The following PRKN variants were observed in gnomAD, a reference collection of about 807,000 sequenced individuals.
PRKN encodes the protein parkin RBR E3 ubiquitin protein ligase, also known as E3 ubiquitin-protein ligase parkin.
Under a neutral mutation model 59.5 loss-of-function variants are expected in PRKN, and 56 were observed. The ratio of observed to expected loss-of-function variants is 0.94; its 90% confidence interval spans 0.76 to 1.18. The LOEUF is 1.18. Among genes scored for constraint, PRKN ranks in the 50% most tolerant of loss-of-function variants. The pLI, the probability that PRKN is intolerant of heterozygous loss-of-function variation, is 0.00. For missense variants in PRKN, 657 were observed against 596.4 expected, an observed-to-expected ratio of 1.10 and a Z score of -1.06; for synonymous variants, 250 against 222.1, an observed-to-expected ratio of 1.13 and a Z score of -1.12.
At chr6:162,277,027 G>T (rs1203018531) in intron 2 of PRKN, among the ~76,000 whole-genome samples, 1 of 152,220 alleles carries the variant, frequency 6.6e-6, no homozygotes, top group Non-Finnish European at 1.5e-5. Context: ...AAAAGTATAC[G>T]TGTGAGGAGT....
intron 1 of PRKN, among the ~76,000 whole-genome samples, chr6:162,459,315 T>C (rs1273090554): frequency 6.6e-6 from 1 of 152,068 alleles, no homozygotes; most frequent in Non-Finnish European, 1.5e-5. Context: ...AAGTTATAAA[T>C]AATATTTAAA....
rs139174980 is a variant in PRKN, at chr6:161,479,615, G to A, written c.1083+69239C>T. On this transcript the variant is annotated intron_variant, in intron 9 of 11. Transcript: ENST00000366898. ...CTTTCTGAGCATATGCTCTGTCCCC[G>A]GGGAAGACGACAGTCAAGGGAATCT... Among the ~76,000 whole-genome samples the A allele has an allele frequency of 1.1e-3, 161 of 152,264 alleles. 1 individual carries two copies. In the East Asian group the frequency reaches 0.021, roughly 19 times the overall value.
At chr6:162,473,379 T>C (rs1051397546) in intron 1 of PRKN, among the ~76,000 whole-genome samples, 1 of 152,190 alleles carries the variant, frequency 6.6e-6, no homozygotes, top group South Asian at 2.1e-4. Context: ...AGTTGTGTGA[T>C]CTGGTGAACA....
intron 1 of PRKN, among the ~76,000 whole-genome samples, chr6:162,551,188 C>A (rs1779318387): frequency 6.6e-6 from 1 of 152,086 alleles, no homozygotes; most frequent in African/African-American, 2.4e-5. Context: ...GCCCAAGTAG[C>A]AAATTTGATA....
At chr6:162,202,953 T>C (rs1020826837) in intron 3 of PRKN, among the ~76,000 whole-genome samples, 1 of 152,088 alleles carries the variant, frequency 6.6e-6, no homozygotes, top group Non-Finnish European at 1.5e-5. Flanking sequence ...TTATAACCTT[T>C]TGTAAAGGTC....
chr6:161,765,782 C>T (rs1244982159), intron 7 of PRKN, among the ~76,000 whole-genome samples: 1 of 152,168 alleles, frequency 6.6e-6, no homozygotes, highest in Non-Finnish European at 1.5e-5. Context: ...TCTTTTACTA[C>T]TTGCTTAGTT....
At chr6:161,732,483 T>TGTGTGTG (rs1398832020) in intron 7 of PRKN, among the ~76,000 whole-genome samples, 4,154 of 140,174 alleles carry the variant, frequency 0.03, 195 homozygotes, top group African/African-American at 0.12. Context: ...GGTTTTTTTT[T>TGTGTGTG]TTTGTGTGTG....
Position 161,861,558 on chromosome 6 carries a change from G to A in PRKN, c.735-75650C>T, listed in dbSNP as rs186535396. Among the ~76,000 whole-genome samples the A allele has an allele frequency of 8.0e-5, 12 of 150,016 alleles. No homozygotes were observed. In the East Asian group the frequency reaches 1.4e-3, roughly 17 times the overall value. ...GTATACCTATGTAACAAACCTGCAC[G>A]TTCTGCACATGTATCCCAGAACTTA... On this transcript the variant is annotated intron_variant, in intron 6 of 11. Transcript: ENST00000366898.
intron 7 of PRKN, among the ~76,000 whole-genome samples, chr6:161,586,029 A>T (rs574389272): frequency 2.1e-4 from 32 of 152,100 alleles, no homozygotes; most frequent in African/African-American, 7.7e-4. Flanking sequence ...CTTTTTTTAA[A>T]AAAAAGAACA....
intron 7 of PRKN, among the ~76,000 whole-genome samples, chr6:161,766,855 T>G (rs1177503691): frequency 6.6e-6 from 1 of 152,230 alleles, no homozygotes; most frequent in East Asian, 1.9e-4. Context: ...AGAGGTTTTG[T>G]GAATAAAAGG....
At position 161,524,885 on chromosome 6, in the gene PRKN, C is replaced by T. The variant is rs545094817; in HGVS notation, c.1083+23969G>A. 1.3e-3 allele frequency among the ~76,000 whole-genome samples: 194 copies of T among 152,234 alleles called. 1 individual carries two copies. Among genetic ancestry groups the T allele is most frequent in the African/African-American group, 4.3e-3 (179 of 41,554 alleles). On this transcript the variant is annotated intron_variant, in intron 9 of 11. Coordinates refer to ENST00000366898, the MANE Select transcript of PRKN (RefSeq NM_004562.3). ...TCCCAATGAGTAGGTGTACGCAGGA[C>T]GGAGCCTGTCAGAAGAGCAGGGCTG...
intron 1 of PRKN, among the ~76,000 whole-genome samples, chr6:162,628,329 T>G (rs2128222117): frequency 6.6e-6 from 1 of 152,220 alleles, no homozygotes; most frequent in South Asian, 2.1e-4. Flanking sequence ...GCTATAATTG[T>G]GAGGCAAAGT....
chr6:162,696,807 A>T (rs749186953), intron 1 of PRKN, among the ~76,000 whole-genome samples: 8 of 151,908 alleles, frequency 5.3e-5, no homozygotes, highest in Non-Finnish European at 1.0e-4. Flanking sequence ...CGGCCTCCCA[A>T]GGTGTTGGGA....
At chr6:162,143,332 TTTC>T (rs1277271236) in intron 4 of PRKN, among the ~76,000 whole-genome samples, 2 of 152,336 alleles carry the variant, frequency 1.3e-5, no homozygotes, top group East Asian at 1.9e-4. Context: ...GCAATTCTCC[TTTC>T]TTCTTCTTGC....
chr6:162,247,850 TTTTGAACACTTGTTAA>T (rs1442223973), intron 3 of PRKN, among the ~76,000 whole-genome samples: 2 of 152,140 alleles, frequency 1.3e-5, no homozygotes, highest in African/African-American at 4.8e-5. Flanking sequence ...CAACAATTAT[TTTTGAACACTTGTTAA>T]TTTGATTAAA....
At chr6:162,333,102 T>C in intron 2 of PRKN, among the ~76,000 whole-genome samples, 1 of 152,170 alleles carries the variant, frequency 6.6e-6, no homozygotes, top group East Asian at 1.9e-4. Context: ...ACTATACTTT[T>C]TCCTATTTTG....
Position 162,544,835 on chromosome 6 carries a change from G to A in PRKN, c.8-101362C>T, listed in dbSNP as rs575915186. ...TGGGATTACAGGCATGTGCCACCAC[G>A]CCTGGATATTTTTGTATTTTTAGTA... On this transcript the variant is annotated intron_variant, in intron 1 of 11. Transcript: ENST00000366898. Among the ~76,000 whole-genome samples the A allele has an allele frequency of 2.7e-3, 409 of 150,472 alleles. 1 individual carries two copies. Among genetic ancestry groups the A allele is most frequent in the Non-Finnish European group, 3.2e-3 (215 of 67,576 alleles).
At chr6:161,384,858 C>CT in intron 10 of PRKN, among the ~76,000 whole-genome samples, 1 of 152,148 alleles carries the variant, frequency 6.6e-6, no homozygotes, top group East Asian at 1.9e-4. Flanking sequence ...ACTGTAATTA[C>CT]GATATTCATT....
chr6:162,387,551 CACACAGAG>C lies in PRKN; in HGVS notation c.171+55751_171+55758del, dbSNP rs1360957760. On this transcript the variant is annotated intron_variant, in intron 2 of 11. Transcript: ENST00000366898. The stretch of plus-strand genomic sequence containing the variant: ...CTCACAACACACACACACACACACA[CACACAGAG>C]AGAGAGAGAGAGAGAGAGAGAGAGA... Among the ~76,000 whole-genome samples the C allele has an allele frequency of 4.4e-3, 338 of 76,528 alleles. 2 individuals carry two copies. Among genetic ancestry groups the C allele is most frequent in the African/African-American group, 0.016 (301 of 18,478 alleles). The allele number at this position is 76,528 out of a possible 152,430, so 50.2% of individuals were successfully genotyped here.
Sources: gnomAD v4.1 joint callset for allele counts (sites outside exome capture counted in the v4.1 genomes callset) on GRCh38, gnomAD v4.1.1 for gene constraint, MANE v1.5 for transcripts, NCBI Gene and HGNC (gene_info 2026-07-23, HGNC 2026-07-21) for gene names.